The following C17orf114 variants were observed in gnomAD, a reference collection of about 807,000 sequenced individuals.
C17orf114 encodes the protein uncharacterized protein C17orf114.
rs556317581 is a variant in C17orf114 at position 4,801,696 on chromosome 17, T to G, written c.74-241A>C. 1.1e-4 allele frequency among the ~76,000 whole-genome samples: 17 copies of G among 151,986 alleles called. No individual in the cohort carries two copies. The South Asian group carries it at 1.5e-3, about 13-fold the overall frequency. ...CTCCGACTCAGAAGGGCCACCATGC[T>G]TGGCATAGGTCTCTGCTGTCACCAT... On this transcript the variant is annotated intron_variant, in intron 1 of 1. Transcript: ENST00000635921.
intron 1 of C17orf114, 27 bp from the exon 2 acceptor site, chr17:4,801,482 T>C: frequency 2.5e-6 from 1 of 398,472 alleles, no homozygotes; most frequent in Non-Finnish European, 4.4e-6. Context: ...AGAAGGAAGT[T>C]GTAGGTCAGG....
upstream of C17orf114, chr17:4,802,438 A>T: frequency 5.0e-6 from 2 of 396,414 alleles, no homozygotes; most frequent in Non-Finnish European, 8.9e-6. Context: ...CCGCCTGGTG[A>T]TTACAGGCGC....
At chr17:4,805,185 C>T (rs1314836121), upstream of C17orf114, among the ~76,000 whole-genome samples, 2 of 151,964 alleles carry the variant, frequency 1.3e-5, no homozygotes, top group African/African-American at 2.4e-5. Context: ...AATCCCAGCA[C>T]TTTAGGCCAA....
chr17:4,804,483 C>T (rs989616915), upstream of C17orf114, among the ~76,000 whole-genome samples: 4 of 151,110 alleles, frequency 2.6e-5, no homozygotes, highest in South Asian at 2.1e-4. Context: ...GGATTCCAAG[C>T]GTGAGCCACT....
upstream of C17orf114, chr17:4,802,373 G>A (rs964380556): frequency 2.4e-4 from 94 of 398,712 alleles, no homozygotes; most frequent in East Asian, 3.3e-3. Flanking sequence ...CCCCGGGAGA[G>A]GGGTGTGGTT....
upstream of C17orf114, among the ~76,000 whole-genome samples, chr17:4,804,706 C>T (rs1251663846): frequency 2.0e-5 from 3 of 149,840 alleles, no homozygotes. Context: ...TCAAATGATT[C>T]TCCTGCCTCA....
At chr17:4,804,819 C>T (rs56026217), upstream of C17orf114, among the ~76,000 whole-genome samples, 3 of 151,528 alleles carry the variant, frequency 2.0e-5, no homozygotes, top group African/African-American at 4.9e-5. Context: ...CTCCTGACCT[C>T]GTGATCTGCC....
chr17:4,806,036 C>T (rs1326793444), upstream of C17orf114, among the ~76,000 whole-genome samples: 1 of 152,176 alleles, frequency 6.6e-6, no homozygotes, highest in African/African-American at 2.4e-5. Flanking sequence ...ACTGAATAGG[C>T]ACTTTATAAA....
At chr17:4,803,549 T>C (rs1278448633), upstream of C17orf114, among the ~76,000 whole-genome samples, 1 of 145,196 alleles carries the variant, frequency 6.9e-6, no homozygotes, top group Non-Finnish European at 1.5e-5. Context: ...CTCAGCCTCC[T>C]GAGTAGCTGG....
At chr17:4,801,792 A>ACT in intron 1 of C17orf114, among the ~76,000 whole-genome samples, 2 of 150,520 alleles carry the variant, frequency 1.3e-5, no homozygotes, top group South Asian at 4.2e-4. Context: ...GTACAATGGC[A>ACT]CTATTTCGGC....
upstream of C17orf114, among the ~76,000 whole-genome samples, chr17:4,803,416 ATTTTTT>A (rs34116712): frequency 9.3e-5 from 7 of 75,464 alleles, no homozygotes; most frequent in South Asian, 1.2e-3. Flanking sequence ...GTTTTTTTTA[ATTTTTT>A]TTTTTTTTTT....
upstream of C17orf114, among the ~76,000 whole-genome samples, chr17:4,804,820 G>A (rs906100823): frequency 5.9e-5 from 9 of 151,570 alleles, no homozygotes; most frequent in East Asian, 1.8e-3. Flanking sequence ...TCCTGACCTC[G>A]TGATCTGCCC....
chr17:4,803,215 G>A (rs979633763), upstream of C17orf114, among the ~76,000 whole-genome samples: 5 of 151,608 alleles, frequency 3.3e-5, no homozygotes, highest in African/African-American at 7.3e-5. Flanking sequence ...CACCGCACCC[G>A]GCCTCAAAGA....
At chr17:4,804,281 T>C (rs545357027), upstream of C17orf114, among the ~76,000 whole-genome samples, 1 of 151,056 alleles carries the variant, frequency 6.6e-6, no homozygotes, top group South Asian at 2.1e-4. Flanking sequence ...CTCAGCTCAC[T>C]GCAACCTCCG....
upstream of C17orf114, among the ~76,000 whole-genome samples, chr17:4,805,271 T>C (rs893357764): frequency 3.3e-5 from 5 of 150,598 alleles, no homozygotes; most frequent in Admixed American, 6.7e-5. Flanking sequence ...CTACTAAAAA[T>C]ACAAAAAATT....
upstream of C17orf114, among the ~76,000 whole-genome samples, chr17:4,803,336 A>G (rs937485898): frequency 4.0e-5 from 6 of 150,186 alleles, no homozygotes; most frequent in Non-Finnish European, 8.9e-5. Context: ...GCAGGCAGTT[A>G]TTAGCCGAGT....
At chr17:4,806,164 A>G (rs1009163612), upstream of C17orf114, among the ~76,000 whole-genome samples, 1 of 152,242 alleles carries the variant, frequency 6.6e-6, no homozygotes, top group African/African-American at 2.4e-5. Flanking sequence ...GGCCAACGCT[A>G]AAGACTGACA....
chr17:4,805,732 A>AAGAGAT (rs953189944), upstream of C17orf114, among the ~76,000 whole-genome samples: 9 of 152,154 alleles, frequency 5.9e-5, no homozygotes, highest in African/African-American at 2.2e-4. Context: ...AGGGCGGATC[A>AAGAGAT]CAAGGTCAAG....
intron 1 of C17orf114, 82 bp downstream of exon 1, chr17:4,802,165 G>C: frequency 5.0e-6 from 2 of 398,582 alleles, no homozygotes; most frequent in Non-Finnish European, 8.9e-6. Context: ...TCCCTTTGCT[G>C]GTTTGAGCAT....
Sources: allele counts gnomAD v4.1 joint callset (sites outside exome capture counted in the v4.1 genomes callset), GRCh38; gene constraint gnomAD v4.1.1; transcripts MANE v1.5; gene names NCBI Gene and HGNC (gene_info 2026-07-23, HGNC 2026-07-21).